The following RAI14 variants were observed in gnomAD, a reference collection of about 807,000 sequenced individuals.
RAI14 encodes the protein ankycorbin.
Under a neutral mutation model 115.4 loss-of-function variants are expected in RAI14, and 45 were observed. That is an observed-to-expected ratio of 0.39 (90% CI 0.31 to 0.50). The LOEUF (loss-of-function observed/expected upper bound fraction) is 0.50, where lower values mean the gene tolerates loss of function less well. Ranked by LOEUF, RAI14 falls within the 20% of genes least tolerant of loss-of-function variation. The pLI, the probability that RAI14 is intolerant of heterozygous loss-of-function variation, is 0.85. For missense variants in RAI14, 939 were observed against 1,131.2 expected, an observed-to-expected ratio of 0.83 and a Z score of 2.44; for synonymous variants, 371 against 415.4, an observed-to-expected ratio of 0.89 and a Z score of 1.30.
Position 34,823,883 on chromosome 5 carries a change from C to G in RAI14, c.2041C>G (p.His681Asp). Reference sequence around the variant, plus strand: ...AGCTGAATATATCCATAAAGCAGAGCATGAGAAACTGATGCAATTGACAAA... The same window carrying G: ...AGCTGAATATATCCATAAAGCAGAGGATGAGAAACTGATGCAATTGACAAA... Reference protein sequence around the residue: ...VTAEYIHKAEHEKLMQLTNVS... With the variant: ...VTAEYIHKAEDEKLMQLTNVS... The change falls in exon 15 of 18, where the codon CAT becomes GAT. Residue 681 changes from histidine (H) to aspartate (D), a missense_variant. His to Asp is a moderately conservative substitution (Grantham distance 81). Transcript: ENST00000265109. This position sits in a 1 kb window ranked among gnomAD's most constrained non-coding sequence, Gnocchi z 4.5. 6.2e-7 allele frequency: 1 copy of G among 1,614,120 alleles called. No individual in the cohort carries two copies. The highest frequency in any genetic ancestry group is 8.5e-7 in the Non-Finnish European group (1 of 1,179,994).
At chr5:34,714,352 T>C (rs1741761202) in intron 2 of RAI14, among the ~76,000 whole-genome samples, 1 of 152,184 alleles carries the variant, frequency 6.6e-6, no homozygotes, top group African/African-American at 2.4e-5. Flanking sequence ...TAACTTCAAA[T>C]TTTTAGAGAA....
intron 2 of RAI14, among the ~76,000 whole-genome samples, chr5:34,744,230 G>A (rs964090837): frequency 3.9e-5 from 6 of 152,128 alleles, no homozygotes; most frequent in African/African-American, 7.2e-5. Flanking sequence ...TGTTACATGC[G>A]TACCTCCCTT....
intron 1 of RAI14, among the ~76,000 whole-genome samples, chr5:34,674,921 TGA>T (rs1743873534): frequency 6.8e-6 from 1 of 147,998 alleles, no homozygotes; most frequent in Admixed American, 6.9e-5. Context: ...TTTTTGAGAC[TGA>T]GTCTCGCTTT....
intron 4 of RAI14, among the ~76,000 whole-genome samples, chr5:34,799,539 C>CACACAT (rs1554007142): frequency 1.7e-5 from 1 of 57,212 alleles, no homozygotes. Context: ...CACACACACA[C>CACACAT]AAAACCACCT....
In RAI14 at chr5:34,735,653, T is replaced by A. The variant is rs562673033; in HGVS notation, c.37-21815T>A. 1.3e-4 allele frequency among the ~76,000 whole-genome samples: 20 copies of A among 152,374 alleles called. No individual in the cohort carries two copies. The South Asian group carries it at 4.1e-3, about 32-fold the overall frequency. On this transcript the variant is annotated intron_variant, in intron 2 of 17. Coordinates refer to ENST00000265109, the MANE Select transcript of RAI14 (RefSeq NM_015577.3). ...TGAAAACTAGAAAATGTGAACACTC[T>A]AACTTGTATAAAGAAATTCCAAATG...
chr5:34,680,174 GTCTT>G (rs755156845), intron 1 of RAI14, among the ~76,000 whole-genome samples: 16 of 152,110 alleles, frequency 1.1e-4, no homozygotes, highest in Admixed American at 9.2e-4. Context: ...CTGGGGGAGG[GTCTT>G]TCTTTGCAGA....
chr5:34,666,950 G>A (rs1051353322), intron 1 of RAI14, among the ~76,000 whole-genome samples: 2 of 152,186 alleles, frequency 1.3e-5, no homozygotes, highest in Non-Finnish European at 2.9e-5. Flanking sequence ...GTCGCAATCT[G>A]CCACAGTACA....
chr5:34,714,286 A>G (rs1741754848), intron 2 of RAI14, among the ~76,000 whole-genome samples: 1 of 152,160 alleles, frequency 6.6e-6, no homozygotes, highest in Admixed American at 6.5e-5. Flanking sequence ...TCCTCAACTC[A>G]TTGTTCTCAG....
intron 4 of RAI14, among the ~76,000 whole-genome samples, 159 bp downstream of exon 4, chr5:34,796,186 G>A (rs1753512205): frequency 6.6e-6 from 1 of 152,058 alleles, no homozygotes; most frequent in Admixed American, 6.6e-5. Context: ...CTTGAGGCCA[G>A]GAGTTCAAGG....
Position 34,827,329 on chromosome 5 carries a change from C to A in RAI14, c.2799+850C>A, listed in dbSNP as rs559029727. Among the ~76,000 whole-genome samples the A allele has an allele frequency of 1.3e-5, 2 of 152,244 alleles. No homozygotes were observed. Among genetic ancestry groups the A allele is most frequent in the East Asian group, 1.9e-4 (1 of 5,178 alleles). Reference sequence around the variant, plus strand: ...AACCCTTAATTTCATCTGCAAGATGCCTTTTGCCATATAAAGTTTAACATT... The same window carrying A: ...AACCCTTAATTTCATCTGCAAGATGACTTTTGCCATATAAAGTTTAACATT... On this transcript the variant is annotated intron_variant, in intron 16 of 17. Transcript: ENST00000265109. The surrounding 1 kb of genome is among the most constrained non-coding windows in gnomAD (Gnocchi z 4.2).
At chr5:34,784,767 G>T (rs1752089934) in intron 3 of RAI14, among the ~76,000 whole-genome samples, 1 of 152,188 alleles carries the variant, frequency 6.6e-6, no homozygotes, top group Non-Finnish European at 1.5e-5. Flanking sequence ...TCGATTAGCT[G>T]CAGCTCTGGC....
At chr5:34,684,964 A>G (rs182917408) in intron 1 of RAI14, 2 of 152,216 alleles carry the variant, frequency 1.3e-5, no homozygotes, top group Admixed American at 6.5e-5. Flanking sequence ...AGCACTTACT[A>G]TGTGATGGAA....
intron 2 of RAI14, chr5:34,687,779 G>A: frequency 6.6e-7 from 1 of 1,522,132 alleles, no homozygotes; most frequent in South Asian, 1.2e-5. Context: ...GGTAATTAAA[G>A]ATGAACCTGG....
At chr5:34,724,158 A>G (rs1218228310) in intron 2 of RAI14, among the ~76,000 whole-genome samples, 1 of 152,152 alleles carries the variant, frequency 6.6e-6, no homozygotes, top group Non-Finnish European at 1.5e-5. Context: ...CTGGGATTAC[A>G]GGCATGCACT....
chr5:34,725,608 A>G (rs1391240313), intron 2 of RAI14, among the ~76,000 whole-genome samples: 4 of 151,922 alleles, frequency 2.6e-5, no homozygotes, highest in Admixed American at 6.6e-5. Context: ...GGACATCAGA[A>G]GACAACTCAC....
At chr5:34,658,025 T>TA (rs1460047335) in intron 1 of RAI14, among the ~76,000 whole-genome samples, 11 of 152,268 alleles carry the variant, frequency 7.2e-5, no homozygotes, top group Non-Finnish European at 1.5e-4. Flanking sequence ...TCTTATATTT[T>TA]AGCCAGTGCT....
At position 34,735,214 on chromosome 5, in the gene RAI14, G is replaced by C. The variant is rs542526989; in HGVS notation, c.37-22254G>C. On this transcript the variant is annotated intron_variant, in intron 2 of 17. Transcript: ENST00000265109. ...TATGGACTGATAGAAAAAATGGGCA[G>C]GGTAATTCTTGAGTGATAGGACTGA... is the stretch of plus-strand genomic sequence containing the variant. 1.9e-4 allele frequency among the ~76,000 whole-genome samples: 29 copies of C among 152,238 alleles called. 2 individuals are homozygous for C. The South Asian group carries it at 6.0e-3, about 32-fold the overall frequency.
At chr5:34,674,435 C>G (rs1051141307) in intron 1 of RAI14, among the ~76,000 whole-genome samples, 4 of 152,082 alleles carry the variant, frequency 2.6e-5, no homozygotes, top group Non-Finnish European at 4.4e-5. Flanking sequence ...TGTAGTAAGC[C>G]AACTTCTGGC....
chr5:34,673,447 G>A lies in RAI14; in HGVS notation c.-48-13425G>A, dbSNP rs566240911. Among the ~76,000 whole-genome samples the A allele has an allele frequency of 7.9e-5, 12 of 152,340 alleles. No individual in the cohort carries two copies. In the East Asian group the frequency reaches 1.2e-3, roughly 15 times the overall value. On this transcript the variant is annotated intron_variant, in intron 1 of 17. Coordinates refer to ENST00000265109, the MANE Select transcript of RAI14 (RefSeq NM_015577.3). The stretch of plus-strand genomic sequence containing the variant: ...TTATATATTTCACTTCTGTAGCTTC[G>A]TGAAGTAAATTTAGCTGCTGACTTC...
Sources: allele counts gnomAD v4.1 joint callset (sites outside exome capture counted in the v4.1 genomes callset), GRCh38; gene constraint gnomAD v4.1.1; non-coding constraint Gnocchi (gnomAD v3.1); transcripts MANE v1.5; gene names NCBI Gene and HGNC (gene_info 2026-07-23, HGNC 2026-07-21).